Variants in FAM184B observed in about 807,000 individuals in gnomAD.
FAM184B encodes protein FAM184B.
A neutral mutation model predicts 135.9 loss-of-function variants in FAM184B; 111 were observed. The ratio of observed to expected loss-of-function variants is 0.82; its 90% CI spans 0.70 to 0.96. The LOEUF (loss-of-function observed/expected upper bound fraction) is 0.96, where lower values mean the gene tolerates loss of function less well. FAM184B is among the 40% of genes least tolerant of loss of function. The pLI is 0.00. For synonymous variants in FAM184B, 552 were observed against 524.8 expected (o/e 1.05, Z -0.71); for missense variants, 1,375 against 1,323.9 (o/e 1.04, Z -0.60).
chr4:17,664,805 G>C, intron 7 of FAM184B, 146 bp from the exon 8 acceptor site: 2 of 637,568 alleles, frequency 3.1e-6, no homozygotes, highest in South Asian at 4.0e-5. Flanking sequence ...TGCTTGCAGG[G>C]GATGCCAAGG....
At chr4:17,722,840 C>T (rs148432392) in intron 1 of FAM184B, among the ~76,000 whole-genome samples, 2 of 152,044 alleles carry the variant, frequency 1.3e-5, no homozygotes, top group Non-Finnish European at 2.9e-5. Flanking sequence ...CATGTGTATG[C>T]GTGAATGATT....
chr4:17,776,901 C>T (rs1481177358), intron 1 of FAM184B, among the ~76,000 whole-genome samples: 1 of 152,058 alleles, frequency 6.6e-6, no homozygotes, highest in Non-Finnish European at 1.5e-5. Context: ...TAGGGATGTA[C>T]TAGGAGATTG....
At chr4:17,754,224 C>T (rs1351766432) in intron 1 of FAM184B, among the ~76,000 whole-genome samples, 1 of 152,110 alleles carries the variant, frequency 6.6e-6, no homozygotes, top group Non-Finnish European at 1.5e-5. Context: ...CATGCATATA[C>T]ACCCGTGCAC....
intron 5 of FAM184B, among the ~76,000 whole-genome samples, chr4:17,696,658 A>T (rs898705747): frequency 3.3e-5 from 5 of 152,194 alleles, no homozygotes; most frequent in Non-Finnish European, 5.9e-5. Context: ...CGAAATTTTT[A>T]AAAAATTAGC....
At chr4:17,679,851 A>G (rs1261487956) in intron 7 of FAM184B, among the ~76,000 whole-genome samples, 1 of 152,212 alleles carries the variant, frequency 6.6e-6, no homozygotes, top group Admixed American at 6.5e-5. Flanking sequence ...AGCCATAAAA[A>G]GGAAGAAAAT....
chr4:17,641,998 GGGGTGGCGGGGTAGGGGGTGAGGGT>G, intron 13 of FAM184B, 33 bp downstream of exon 13: 1 of 1,475,232 alleles, frequency 6.8e-7, no homozygotes, highest in Non-Finnish European at 8.9e-7. Flanking sequence ...AGGGGGAGGG[GGGGTGGCGGGGTAGGGGGTGAGGGT>G]GGCGCGGTGG....
chr4:17,778,891 C>T (rs775779280), intron 1 of FAM184B, among the ~76,000 whole-genome samples: 4 of 151,944 alleles, frequency 2.6e-5, no homozygotes, highest in Non-Finnish European at 5.9e-5. Context: ...AAAAATAAAA[C>T]TCTAGGCAGC....
At chr4:17,759,713 C>T (rs564566334) in intron 1 of FAM184B, among the ~76,000 whole-genome samples, 1 of 152,136 alleles carries the variant, frequency 6.6e-6, no homozygotes, top group South Asian at 2.1e-4. Flanking sequence ...CCAGGCTGGT[C>T]TCGAACTCCT....
chr4:17,697,142 G>T (rs1716883619), intron 5 of FAM184B, among the ~76,000 whole-genome samples: 2 of 152,238 alleles, frequency 1.3e-5, no homozygotes, highest in Admixed American at 1.3e-4. Flanking sequence ...GGATCAGCAT[G>T]GTACCACTGA....
chr4:17,748,383 A>C (rs976518654), intron 1 of FAM184B, among the ~76,000 whole-genome samples: 12 of 151,900 alleles, frequency 7.9e-5, no homozygotes, highest in African/African-American at 2.7e-4. Flanking sequence ...CAGTTGATAG[A>C]GTTGTCCCTG....
At chr4:17,740,751 G>T (rs180692677) in intron 1 of FAM184B, among the ~76,000 whole-genome samples, 1 of 152,206 alleles carries the variant, frequency 6.6e-6, no homozygotes, top group Non-Finnish European at 1.5e-5. Flanking sequence ...ACCATCATCA[G>T]AAGCCAACCT....
intron 1 of FAM184B, among the ~76,000 whole-genome samples, chr4:17,760,365 G>A (rs1211529059): frequency 6.6e-6 from 1 of 151,950 alleles, no homozygotes; most frequent in African/African-American, 2.4e-5. Flanking sequence ...TCAGGTTGCT[G>A]AGGCAGGAGA....
chr4:17,720,411 A>C (rs1717494031), intron 1 of FAM184B, among the ~76,000 whole-genome samples: 1 of 152,134 alleles, frequency 6.6e-6, no homozygotes, highest in African/African-American at 2.4e-5. Context: ...CAACATCTTT[A>C]ATCATTAGGG....
At chr4:17,734,057 A>G (rs1273645060) in intron 1 of FAM184B, among the ~76,000 whole-genome samples, 1 of 152,088 alleles carries the variant, frequency 6.6e-6, no homozygotes, top group Non-Finnish European at 1.5e-5. Context: ...CTTTGACAAA[A>G]CTGACAAAAA....
chr4:17,709,979 A>C (rs968460620), intron 1 of FAM184B, among the ~76,000 whole-genome samples: 2 of 152,334 alleles, frequency 1.3e-5, no homozygotes, highest in South Asian at 4.1e-4. Context: ...ATGTCATCTC[A>C]TTTGTTCAGA....
intron 6 of FAM184B, among the ~76,000 whole-genome samples, chr4:17,691,512 C>G (rs558076187): frequency 6.6e-6 from 1 of 151,920 alleles, no homozygotes; most frequent in Non-Finnish European, 1.5e-5. Context: ...ACGGTGAAAC[C>G]CCGTCTTTAC....
intron 7 of FAM184B, among the ~76,000 whole-genome samples, chr4:17,674,558 T>C (rs1716267678): frequency 6.6e-6 from 1 of 152,134 alleles, no homozygotes; most frequent in Non-Finnish European, 1.5e-5. Flanking sequence ...AAGATAACAA[T>C]GAAGTTTGCC....
intron 7 of FAM184B, among the ~76,000 whole-genome samples, chr4:17,679,184 T>C (rs1716383008): frequency 6.6e-6 from 1 of 152,062 alleles, no homozygotes; most frequent in Non-Finnish European, 1.5e-5. Context: ...TAGATTGGAC[T>C]TCATTAAACT....
At chr4:17,746,310 T>G (rs1718159961) in intron 1 of FAM184B, among the ~76,000 whole-genome samples, 1 of 152,102 alleles carries the variant, frequency 6.6e-6, no homozygotes, top group Non-Finnish European at 1.5e-5. Context: ...GGTAAAGGAT[T>G]CTGGGCAAGA....
Sources: gnomAD v4.1 joint callset for allele counts (sites outside exome capture counted in the v4.1 genomes callset) on GRCh38, gnomAD v4.1.1 for gene constraint, MANE v1.5 for transcripts, NCBI Gene and HGNC (gene_info 2026-07-23, HGNC 2026-07-21) for gene names.